Variants in EXOC4 observed in about 807,000 individuals in gnomAD.
EXOC4 encodes the protein SEC8-like 1.
In EXOC4, 71 loss-of-function variants were observed where a neutral mutation model predicts 107.2. The observed-to-expected ratio is 0.66, with a 90% CI of 0.55 to 0.81. The LOEUF is 0.81. Among genes scored for constraint, EXOC4 ranks in the 30% least tolerant of loss-of-function variants. The probability of loss-of-function intolerance (pLI) is 0.00; values close to 1 mark genes in which losing one functional copy is unlikely to be tolerated. For synonymous variants in EXOC4, 456 were observed against 441.2 expected, an observed-to-expected ratio of 1.03 and a Z score of -0.42; for missense variants, 1,108 against 1,189.6, an observed-to-expected ratio of 0.93 and a Z score of 1.01.
chr7:134,030,420 C>T (rs765043428), intron 17 of EXOC4, among the ~76,000 whole-genome samples: 40 of 152,276 alleles, frequency 2.6e-4, no homozygotes, highest in Middle Eastern at 6.8e-3. Context: ...AGTACTGATA[C>T]GTGCTACATG....
intron 7 of EXOC4, among the ~76,000 whole-genome samples, chr7:133,394,184 G>A (rs1232238371): frequency 6.6e-6 from 1 of 152,172 alleles, no homozygotes; most frequent in Non-Finnish European, 1.5e-5. Context: ...TCTATCATGG[G>A]TGTGACAATA....
At chr7:133,815,604 A>G (rs565910036) in intron 10 of EXOC4, among the ~76,000 whole-genome samples, 121 of 152,252 alleles carry the variant, frequency 7.9e-4, no homozygotes, top group Middle Eastern at 6.8e-3. Context: ...GTGAACTATC[A>G]TACTTCTGAG....
At chr7:133,305,205 C>T (rs1794725359) in intron 3 of EXOC4, among the ~76,000 whole-genome samples, 1 of 151,716 alleles carries the variant, frequency 6.6e-6, no homozygotes, top group Non-Finnish European at 1.5e-5. Flanking sequence ...GTCCTTTTGT[C>T]TTGAAAATCT....
intron 7 of EXOC4, among the ~76,000 whole-genome samples, chr7:133,388,564 C>T (rs1200678218): frequency 4.6e-5 from 7 of 152,014 alleles, no homozygotes; most frequent in African/African-American, 7.2e-5. Flanking sequence ...GCAGGAGAAT[C>T]GCTTGAACCG....
chr7:133,316,779 G>A (rs1423896695), intron 4 of EXOC4, among the ~76,000 whole-genome samples: 1 of 152,140 alleles, frequency 6.6e-6, no homozygotes, highest in Non-Finnish European at 1.5e-5. Flanking sequence ...TGAAATTTAT[G>A]AGTCTCTTTT....
Position 133,359,751 on chromosome 7 carries a change from T to G in EXOC4, c.1007+3178T>G, listed in dbSNP as rs186659092. Among the ~76,000 whole-genome samples, 17 of 152,332 alleles carry G rather than the reference T, an allele frequency of 1.1e-4. No homozygotes were observed. In the East Asian group the frequency reaches 3.3e-3, roughly 29 times the overall value. ...ATGTTGTGTGCTATTTTGCTAGAAATGTAGAAGGAAACAAACTAGTGAATT... is the reference window on the plus strand; with the variant it reads ...ATGTTGTGTGCTATTTTGCTAGAAAGGTAGAAGGAAACAAACTAGTGAATT... On this transcript the variant is annotated intron_variant, in intron 6 of 17. Coordinates refer to ENST00000253861, the MANE Select transcript of EXOC4 (RefSeq NM_021807.4).
chr7:133,935,221 G>A (rs4731986), intron 13 of EXOC4, among the ~76,000 whole-genome samples: 34,051 of 151,820 alleles, frequency 0.22, 5,043 homozygotes, highest in East Asian at 0.44. Context: ...CCCAGTTGCC[G>A]TGGCTTCATT....
At chr7:133,587,034 A>T (rs1801421787) in intron 9 of EXOC4, among the ~76,000 whole-genome samples, 1 of 151,852 alleles carries the variant, frequency 6.6e-6, no homozygotes, top group Non-Finnish European at 1.5e-5. Context: ...GGATTTCATC[A>T]TATTGGCCAG....
At chr7:133,992,635 A>G (rs1044847891) in intron 14 of EXOC4, among the ~76,000 whole-genome samples, 3 of 151,686 alleles carry the variant, frequency 2.0e-5, no homozygotes, top group African/African-American at 7.3e-5. Flanking sequence ...TTCATTTACC[A>G]GTCCTAAGAG....
intron 11 of EXOC4, among the ~76,000 whole-genome samples, chr7:133,854,209 C>G (rs115443750): frequency 6.6e-6 from 1 of 152,088 alleles, no homozygotes; most frequent in African/African-American, 2.4e-5. Context: ...TCTGCAGACA[C>G]GAGCTGTCCA....
chr7:133,558,215 T>TCTTTTTTTTC (rs1486759596), intron 9 of EXOC4, among the ~76,000 whole-genome samples: 20 of 141,980 alleles, frequency 1.4e-4, no homozygotes, highest in African/African-American at 5.6e-4. Flanking sequence ...TCTTTTCTTT[T>TCTTTTTTTTC]CTTTTCTTTT....
chr7:133,526,007 A>G (rs892865245), intron 9 of EXOC4, among the ~76,000 whole-genome samples: 1 of 152,126 alleles, frequency 6.6e-6, no homozygotes, highest in Non-Finnish European at 1.5e-5. Flanking sequence ...AGAGAGAGAG[A>G]CTGCGATTTG....
chr7:133,938,249 C>A (rs896589796), intron 14 of EXOC4, among the ~76,000 whole-genome samples, 180 bp downstream of exon 14: 1 of 152,142 alleles, frequency 6.6e-6, no homozygotes, highest in Admixed American at 6.5e-5. Flanking sequence ...GGGAAAGGAA[C>A]TAATCTTGGT....
At chr7:133,612,703 G>A (rs995748502) in intron 9 of EXOC4, among the ~76,000 whole-genome samples, 1 of 152,188 alleles carries the variant, frequency 6.6e-6, no homozygotes, top group Non-Finnish European at 1.5e-5. Context: ...GAGGCAGATG[G>A]TGGTGGCTTG....
intron 9 of EXOC4, among the ~76,000 whole-genome samples, chr7:133,520,753 G>T (rs984016232): frequency 2.0e-5 from 3 of 151,634 alleles, no homozygotes; most frequent in African/African-American, 7.3e-5. Context: ...TAATTTTCCC[G>T]CTCCCTTCTC....
intron 10 of EXOC4, among the ~76,000 whole-genome samples, chr7:133,750,235 A>G (rs1347065076): frequency 1.3e-5 from 2 of 151,972 alleles, no homozygotes; most frequent in African/African-American, 4.8e-5. Flanking sequence ...GTGTGTCCTT[A>G]ACAGTGAGCC....
intron 7 of EXOC4, among the ~76,000 whole-genome samples, chr7:133,384,117 C>T (rs1193846477): frequency 6.6e-6 from 1 of 152,134 alleles, no homozygotes; most frequent in African/African-American, 2.4e-5. Flanking sequence ...CTAGTACAGA[C>T]GTAGCAAATG....
intron 10 of EXOC4, among the ~76,000 whole-genome samples, chr7:133,631,461 G>A (rs1045949498): frequency 1.6e-4 from 24 of 151,988 alleles, no homozygotes; most frequent in Non-Finnish European, 3.2e-4. Context: ...CTAAATCGTA[G>A]TGGATTAGTT....
chr7:134,034,736 T>C (rs189932453), intron 17 of EXOC4, among the ~76,000 whole-genome samples: 2 of 152,304 alleles, frequency 1.3e-5, no homozygotes, highest in East Asian at 1.9e-4. Flanking sequence ...CAGTTCCTTA[T>C]AGCAGTATGA....
Sources: gnomAD v4.1 joint callset for allele counts (sites outside exome capture counted in the v4.1 genomes callset) on GRCh38, gnomAD v4.1.1 for gene constraint, MANE v1.5 for transcripts, NCBI Gene and HGNC (gene_info 2026-07-23, HGNC 2026-07-21) for gene names.